DPP10: variants seen among roughly 807,000 people sequenced by gnomAD.
DPP10 encodes inactive dipeptidyl peptidase 10.
A neutral mutation model predicts 120.9 loss-of-function variants in DPP10; 33 were observed. The observed-to-expected ratio is 0.27, with a 90% CI of 0.21 to 0.37. The LOEUF is 0.37. Ranked by LOEUF, DPP10 falls within the 10% of genes least tolerant of loss-of-function variation. The pLI is 1.00. For missense variants in DPP10, 816 were observed against 942.8 expected, an observed-to-expected ratio of 0.87 and a Z score of 1.76; for synonymous variants, 337 against 326.1, an observed-to-expected ratio of 1.03 and a Z score of -0.36.
chr2:115,413,100 A>G (rs1025217554), intron 3 of DPP10, among the ~76,000 whole-genome samples: 4 of 152,128 alleles, frequency 2.6e-5, no homozygotes, highest in Admixed American at 6.5e-5. Context: ...AGGACCACCC[A>G]GCACCATGCC....
chr2:115,677,721 A>G (rs2090371018), intron 5 of DPP10, among the ~76,000 whole-genome samples: 1 of 152,222 alleles, frequency 6.6e-6, no homozygotes, highest in Non-Finnish European at 1.5e-5. Flanking sequence ...AGAGGATATA[A>G]CAATGTTAAA....
In DPP10 at chr2:115,409,121, T is replaced by G. The variant is rs1029994178; in HGVS notation, c.271+65209T>G. 2.0e-5 allele frequency among the ~76,000 whole-genome samples: 3 copies of G among 152,094 alleles called. No homozygotes were observed. In the South Asian group the frequency reaches 6.2e-4, roughly 31 times the overall value. ...AAGAAACAAATTATCAAATTGGGAA[T>G]GTGAAAGGATTCTCACTATAGAAAC... On this transcript the variant is annotated intron_variant, in intron 3 of 25. Coordinates refer to ENST00000410059, the MANE Select transcript of DPP10 (RefSeq NM_020868.6).
At chr2:115,259,019 A>G (rs1039737885) in intron 1 of DPP10, among the ~76,000 whole-genome samples, 4 of 152,258 alleles carry the variant, frequency 2.6e-5, no homozygotes, top group Admixed American at 6.5e-5. Context: ...TCTCTTTTAT[A>G]TAGAAGAATA....
chr2:115,137,663 TG>T (rs2050718160), intron 1 of DPP10, among the ~76,000 whole-genome samples: 1 of 152,174 alleles, frequency 6.6e-6, no homozygotes, highest in Non-Finnish European at 1.5e-5. Flanking sequence ...CATTCATAAC[TG>T]GCGGGCTACA....
intron 1 of DPP10, among the ~76,000 whole-genome samples, chr2:114,470,900 C>T (rs971440925): frequency 2.6e-5 from 4 of 152,164 alleles, no homozygotes; most frequent in South Asian, 2.1e-4. Flanking sequence ...GCCCTAAGCA[C>T]CTCATTGGTG....
At chr2:115,083,530 C>T (rs966694536) in intron 1 of DPP10, among the ~76,000 whole-genome samples, 3 of 152,202 alleles carry the variant, frequency 2.0e-5, no homozygotes, top group African/African-American at 7.2e-5. Flanking sequence ...TTTGTGTCCA[C>T]TCTGTTTCTC....
At chr2:115,298,868 T>C (rs2061001611) in intron 1 of DPP10, among the ~76,000 whole-genome samples, 1 of 152,002 alleles carries the variant, frequency 6.6e-6, no homozygotes, top group African/African-American at 2.4e-5. Context: ...AGTAACCTAC[T>C]AAGAAACTCA....
chr2:115,031,027 C>T (rs1375327581), intron 1 of DPP10, among the ~76,000 whole-genome samples: 2 of 152,142 alleles, frequency 1.3e-5, no homozygotes, highest in African/African-American at 2.4e-5. Flanking sequence ...GACATGTAGT[C>T]CCTAAACTGG....
At chr2:115,473,926 A>G (rs1176720337) in intron 3 of DPP10, among the ~76,000 whole-genome samples, 3 of 152,162 alleles carry the variant, frequency 2.0e-5, no homozygotes, top group Non-Finnish European at 4.4e-5. Context: ...TACTGATGGG[A>G]TATAGAATCA....
At chr2:115,767,527 CATAA>C (rs913431511) in intron 12 of DPP10, among the ~76,000 whole-genome samples, 2 of 149,456 alleles carry the variant, frequency 1.3e-5, no homozygotes, top group African/African-American at 2.5e-5. Context: ...TATATATATA[CATAA>C]ATATATATAG....
intron 1 of DPP10, among the ~76,000 whole-genome samples, chr2:114,967,841 C>A (rs1345825143): frequency 6.6e-6 from 1 of 152,024 alleles, no homozygotes; most frequent in African/African-American, 2.4e-5. Flanking sequence ...TTCCTTGCCT[C>A]TTCTAGAGTG....
At chr2:114,531,430 A>G (rs970034482) in intron 1 of DPP10, among the ~76,000 whole-genome samples, 1 of 151,630 alleles carries the variant, frequency 6.6e-6, no homozygotes, top group Non-Finnish European at 1.5e-5. Context: ...GGAGAGAGAG[A>G]AAGAATTGAC....
intron 1 of DPP10, among the ~76,000 whole-genome samples, chr2:114,718,118 T>C (rs1006124556): frequency 4.0e-5 from 6 of 151,836 alleles, no homozygotes; most frequent in Admixed American, 3.9e-4. Context: ...TAGTTCAACA[T>C]AAAAATGAAA....
At chr2:114,509,625 T>A (rs1683969623) in intron 1 of DPP10, among the ~76,000 whole-genome samples, 1 of 152,196 alleles carries the variant, frequency 6.6e-6, no homozygotes, top group Admixed American at 6.5e-5. Flanking sequence ...TGATCTCTCT[T>A]TATATATCTA....
rs71297186 is a variant in DPP10 at position 114,468,397 on chromosome 2, C to CAAAAAAAAAAAAAAA, written c.60+25569_60+25583dup. On this transcript the variant is annotated intron_variant, in intron 1 of 25. Transcript: ENST00000410059. Reference sequence around the variant, plus strand: ...GGATGACCTTGTCAGGCTTACAATGCAAAAAAAAAAAAAAAAAAAAAAAAT... The same window carrying CAAAAAAAAAAAAAAA: ...GGATGACCTTGTCAGGCTTACAATGCAAAAAAAAAAAAAAAAAAAAAAAAAAAAAAAAAAAAAAAT... Among the ~76,000 whole-genome samples, 105 of 69,514 alleles carry CAAAAAAAAAAAAAAA rather than the reference C, an allele frequency of 1.5e-3. 1 individual carries two copies. The highest frequency in any genetic ancestry group is 5.2e-3 in the African/African-American group (98 of 18,812). The allele number at this position is 69,514 out of a possible 152,430, so 45.6% of individuals were successfully genotyped here.
intron 5 of DPP10, among the ~76,000 whole-genome samples, chr2:115,595,357 A>C (rs1250888612): frequency 6.6e-6 from 1 of 150,862 alleles, no homozygotes; most frequent in Non-Finnish European, 1.5e-5. Context: ...TCAATAGCAT[A>C]TTATTAATGC....
intron 5 of DPP10, among the ~76,000 whole-genome samples, chr2:115,603,319 C>T (rs1373007562): frequency 6.7e-6 from 1 of 149,324 alleles, no homozygotes; most frequent in Admixed American, 6.7e-5. Flanking sequence ...CAGGTGGGCG[C>T]ACACCCACCC....
chr2:114,693,174 AC>A (rs1699871044), intron 1 of DPP10, among the ~76,000 whole-genome samples: 1 of 151,828 alleles, frequency 6.6e-6, no homozygotes, highest in South Asian at 2.1e-4. Flanking sequence ...TCATAGTGTC[AC>A]TGGTCTGTGT....
chr2:114,777,563 T>C (rs1055270745), intron 1 of DPP10, among the ~76,000 whole-genome samples: 2 of 152,080 alleles, frequency 1.3e-5, no homozygotes, highest in East Asian at 1.9e-4. Flanking sequence ...TTTGACCAAA[T>C]GCAAATGGCT....
Sources: allele counts gnomAD v4.1 joint callset (sites outside exome capture counted in the v4.1 genomes callset), GRCh38; gene constraint gnomAD v4.1.1; transcripts MANE v1.5; gene names NCBI Gene and HGNC (gene_info 2026-07-23, HGNC 2026-07-21).